Variants in PDGFRA observed in about 807,000 individuals in gnomAD.
PDGFRA encodes platelet-derived growth factor receptor alpha.
A neutral mutation model predicts 121.5 loss-of-function variants in PDGFRA; 25 were observed. The ratio of observed to expected loss-of-function variants is 0.21; its 90% confidence interval spans 0.15 to 0.29. The LOEUF (loss-of-function observed/expected upper bound fraction) is 0.29, where lower values mean the gene tolerates loss of function less well. Among genes scored for constraint, PDGFRA ranks in the 10% least tolerant of loss-of-function variants. PDGFRA has a pLI of 1.00. For synonymous variants in PDGFRA, 463 were observed against 494.8 expected, an observed-to-expected ratio of 0.94 and a Z score of 0.85; for missense variants, 1,008 against 1,345.1, an observed-to-expected ratio of 0.75 and a Z score of 3.92.
chr4:54,270,788 A>G (rs752323471), intron 8 of PDGFRA, 40 bp downstream of exon 8: 2 of 1,123,718 alleles, frequency 1.8e-6, no homozygotes, highest in South Asian at 2.5e-5. Flanking sequence ...AGCTCTGTAG[A>G]TGAGTGTCTT....
At chr4:54,247,080 G>C in intron 1 of PDGFRA, among the ~76,000 whole-genome samples, 1 of 152,150 alleles carries the variant, frequency 6.6e-6, no homozygotes, top group Non-Finnish European at 1.5e-5. Context: ...ATAATCAGTA[G>C]CTTACCAACC....
At position 54,274,964 on chromosome 4, in the gene PDGFRA, C is replaced by T. The variant is rs780059483; in HGVS notation, c.1777C>T (p.Leu593=). The T allele has an allele frequency of 1.1e-5, 18 of 1,614,000 alleles. No homozygotes were observed. The highest frequency in any genetic ancestry group is 6.7e-5 in the Admixed American group (4 of 60,002). Residue 593 remains leucine (L), a synonymous_variant, in exon 12 of 23, where the codon CTA becomes TTA. Transcript: ENST00000257290. ...DSRWEFPRDG[L]VLGRVLGSGA... The stretch of plus-strand genomic sequence containing the variant: ...AAGATGGGAGTTTCCAAGAGATGGA[C>T]TAGTGCTTGGTAAGTTCCATGGGGT...
intron 17 of PDGFRA, 56 bp from the exon 18 acceptor site, chr4:54,285,785 A>T (rs1724324660): frequency 6.7e-7 from 1 of 1,498,116 alleles, no homozygotes; most frequent in African/African-American, 1.6e-5. Context: ...TGCAGGGGTG[A>T]TGCTATTCAG....
Position 54,295,586 on chromosome 4 carries a change from A to G in PDGFRA, c.*314A>G, listed in dbSNP as rs1724844342. ...TCAAGGACATTGGTGAGAGTCCAAC[A>G]GACACAATTTATACTGCGACAGAAC... On this transcript the variant is annotated 3_prime_UTR_variant, in exon 23 of 23. Coordinates refer to ENST00000257290, the MANE Select transcript of PDGFRA (RefSeq NM_006206.6). 1 of 445,638 alleles carries G rather than the reference A, an allele frequency of 2.2e-6. No homozygotes were observed. Among genetic ancestry groups the G allele is most frequent in the South Asian group, 2.5e-5 (1 of 40,174 alleles). The allele number at this position is 445,638 out of a possible 1,614,324, so 27.6% of individuals were successfully genotyped here.
chr4:54,236,553 C>G (rs557696185), intron 1 of PDGFRA, among the ~76,000 whole-genome samples: 22 of 152,332 alleles, frequency 1.4e-4, no homozygotes, highest in Admixed American at 8.5e-4. Flanking sequence ...CCTGTAATCC[C>G]AGCACTTTGG....
intron 2 of PDGFRA, among the ~76,000 whole-genome samples, chr4:54,260,397 GTTTTTTTTTTTTT>G (rs68009440): frequency 3.1e-5 from 2 of 64,602 alleles, no homozygotes; most frequent in East Asian, 4.1e-4. Flanking sequence ...TTCCATGTGG[GTTTTTTTTTTTTT>G]TTTTTTTTTT....
chr4:54,280,623 C>A (rs1248171057), intron 16 of PDGFRA, 141 bp downstream of exon 16: 3 of 687,272 alleles, frequency 4.4e-6, no homozygotes, highest in Non-Finnish European at 7.8e-6. Context: ...TCTGCACAAC[C>A]AGTTCTGTGA....
rs58025349 is a variant in PDGFRA at position 54,280,760 on chromosome 4, T to A, written c.2323+278T>A. The A allele has an allele frequency of 0.76, 158,144 of 208,546 alleles. 61,667 individuals are homozygous for A. Among genetic ancestry groups the A allele is most frequent in the Middle Eastern group, 0.9 (498 of 556 alleles). The allele number at this position is 208,546 out of a possible 1,614,324, so 12.9% of individuals were successfully genotyped here. ...GTGTGTTCCTGCAGTAAACATTTTT[T>A]AAAAAAAATAATTATTTATTCTGAT... is the stretch of plus-strand genomic sequence containing the variant. On this transcript the variant is annotated intron_variant, in intron 16 of 22. Transcript: ENST00000257290.
At chr4:54,230,142 T>C (rs1720581545) in intron 1 of PDGFRA, among the ~76,000 whole-genome samples, 1 of 151,726 alleles carries the variant, frequency 6.6e-6, no homozygotes, top group South Asian at 2.1e-4. Flanking sequence ...GTGAGGCGGC[T>C]GCGGGACAAG....
rs753569136 is a variant in PDGFRA at position 54,278,501 on chromosome 4, T to C, written c.2142T>C (p.Asp714=). The C allele has an allele frequency of 6.2e-7, 1 of 1,614,020 alleles. No homozygotes were observed. The highest frequency in any genetic ancestry group is 8.5e-7 in the Non-Finnish European group (1 of 1,179,980). Residue 714 remains aspartate, a synonymous_variant, in exon 15 of 23, where the codon GAT becomes GAC. Coordinates refer to ENST00000257290, the MANE Select transcript of PDGFRA (RefSeq NM_006206.6). ...ELDIFGLNPA[D]ESTRSYVILS... Reference sequence around the variant, plus strand: ...ATATCTTTGGATTGAACCCTGCTGATGAAAGCACACGGAGGTGGGTGCAAA... The same window carrying C: ...ATATCTTTGGATTGAACCCTGCTGACGAAAGCACACGGAGGTGGGTGCAAA...
intron 1 of PDGFRA, among the ~76,000 whole-genome samples, chr4:54,254,788 A>C (rs1289655509): frequency 6.6e-6 from 1 of 152,164 alleles, no homozygotes; most frequent in East Asian, 1.9e-4. Context: ...CACTGTGCCT[A>C]ACACCAGCCC....
At position 54,289,132 on chromosome 4, in the gene PDGFRA, G is replaced by C. The variant is rs760587739; in HGVS notation, c.2880+18G>C. On this transcript the variant is annotated intron_variant, in intron 21 of 22. Coordinates refer to ENST00000257290, the MANE Select transcript of PDGFRA (RefSeq NM_006206.6). ...ATAAAAAGGTGTGTTTGGATCTGTG[G>C]GTGGAAAGGTCTGGATAAAGCTGGA... The C allele has an allele frequency of 1.5e-6, 2 of 1,376,330 alleles. No individual in the cohort carries two copies. The highest frequency in any genetic ancestry group is 2.3e-5 in the East Asian group (1 of 43,748). The allele number at this position is 1,376,330 out of a possible 1,614,324, so 85.3% of individuals were successfully genotyped here.
rs1329845160 is a variant in PDGFRA, at chr4:54,273,598, A to T, written c.1426A>T (p.Ile476Phe). Residue 476 changes from isoleucine (I) to phenylalanine (F), a missense_variant, in exon 10 of 23, where the codon ATC (isoleucine) becomes TTC (phenylalanine). Around this residue, in one of 5 missense-constraint regions of PDGFRA, gnomAD observed 575 missense variants for 701.8 expected, o/e 0.82. Transcript: ENST00000257290. ...CAATGTCTCAAACATCATCACGGAGATCCACTCCCGAGACAGGAGTACCGT... is the reference window on the plus strand; with the variant it reads ...CAATGTCTCAAACATCATCACGGAGTTCCACTCCCGAGACAGGAGTACCGT... ...ANNVSNIITE[I>F]HSRDRSTVEG... is the part of the protein sequence containing the mutation. 6.2e-7 allele frequency: 1 copy of T among 1,614,074 alleles called. No individual in the cohort carries two copies. The highest frequency in any genetic ancestry group is 8.5e-7 in the Non-Finnish European group (1 of 1,179,990).
intron 1 of PDGFRA, among the ~76,000 whole-genome samples, chr4:54,247,425 C>G (rs1455523309): frequency 6.6e-6 from 1 of 152,152 alleles, no homozygotes; most frequent in Non-Finnish European, 1.5e-5. Context: ...ATACCCAAAT[C>G]AATAAATGTA....
intron 22 of PDGFRA, 94 bp downstream of exon 22, chr4:54,290,648 G>T (rs1405221532): frequency 5.6e-6 from 8 of 1,417,758 alleles, no homozygotes; most frequent in Non-Finnish European, 8.0e-6. Flanking sequence ...TGCACTCCCG[G>T]TTGGTAAATA....
At position 54,260,977 on chromosome 4, in the gene PDGFRA, G is replaced by A. The variant is rs1002650975; in HGVS notation, c.50-118G>A. The stretch of plus-strand genomic sequence containing the variant: ...GCTTTCATGGGCATCCAGGCTAACG[G>A]ATTTTTGTGTAGAAATGGTCATTGT... On this transcript the variant is annotated intron_variant, in intron 2 of 22. Transcript: ENST00000257290. 6 of 911,492 alleles carry A rather than the reference G, an allele frequency of 6.6e-6. No homozygotes were observed. In the East Asian group the frequency reaches 1.5e-4, roughly 22 times the overall value. 56.5% of individuals were successfully genotyped at this position (911,492 alleles called of 1,614,324 possible).
chr4:54,283,455 A>G (rs1724171446), intron 16 of PDGFRA, among the ~76,000 whole-genome samples: 1 of 152,176 alleles, frequency 6.6e-6, no homozygotes, highest in South Asian at 2.1e-4. Context: ...CTGGAGTCAT[A>G]GGGATGCAGG....
chr4:54,246,724 A>G (rs1443206740), intron 1 of PDGFRA, among the ~76,000 whole-genome samples: 1 of 151,912 alleles, frequency 6.6e-6, no homozygotes, highest in Non-Finnish European at 1.5e-5. Context: ...ATCAGAGCAG[A>G]ACTGAAGGAA....
At chr4:54,285,698 G>T in intron 17 of PDGFRA, 143 bp from the exon 18 acceptor site, 1 of 890,476 alleles carries the variant, frequency 1.1e-6, no homozygotes. Context: ...GGAGTGGGTG[G>T]AGTGAGAACC....
Sources: gnomAD v4.1 joint callset for allele counts (sites outside exome capture counted in the v4.1 genomes callset) on GRCh38, gnomAD v4.1.1 for gene constraint, gnomAD v4.1.1 regional missense constraint, MANE v1.5 for transcripts, NCBI Gene and HGNC (gene_info 2026-07-23, HGNC 2026-07-21) for gene names.